The following CLN5 variants were observed in gnomAD, a reference collection of about 807,000 sequenced individuals.
The protein encoded by CLN5 is CLN5 lysosomal BMP synthase, also known as bis(monoacylglycero)phosphate synthase CLN5.
Under a neutral mutation model 36.7 loss-of-function variants are expected in CLN5, and 34 were observed. That is an observed-to-expected ratio of 0.93 (90% CI 0.71 to 1.23). The LOEUF (loss-of-function observed/expected upper bound fraction) is 1.23. Ranked by LOEUF, CLN5 falls within the 50% of genes most tolerant of loss-of-function variation. The pLI, the probability that CLN5 is intolerant of heterozygous loss-of-function variation, is 0.00. For synonymous variants in CLN5, 151 were observed against 155.1 expected (o/e 0.97, Z 0.20); for missense variants, 427 against 439.4 (o/e 0.97, Z 0.25).
intron 3 of CLN5, chr13:77,000,042 C>CTT (rs1416476972): frequency 6.6e-6 from 1 of 151,802 alleles, no homozygotes; most frequent in Non-Finnish European, 1.5e-5. Context: ...CAGTCTTAAT[C>CTT]AAGTTAGAAC....
chr13:76,995,234 G>A lies in CLN5; in HGVS notation c.339+6G>A, dbSNP rs1468101. ...GAGACCTCCTGGGACACTTGGTAAG[G>A]ATGCATCTTGGTCTTATAACTTTGG... On this transcript the variant is annotated splice_donor_region_variant and intron_variant, in intron 2 of 3. Transcript: ENST00000377453. 5.6e-6 allele frequency: 9 copies of A among 1,613,562 alleles called. No individual in the cohort carries two copies. The East Asian group carries it at 1.1e-4, about 20-fold the overall frequency.
At chr13:76,995,318 C>A in intron 2 of CLN5, 90 bp downstream of exon 2, 2 of 1,152,814 alleles carry the variant, frequency 1.7e-6, no homozygotes, top group Non-Finnish European at 2.6e-6. Context: ...ATTTAGATGG[C>A]TGACTTTAGA....
In CLN5 at chr13:77,002,537, T is replaced by TAA. The variant is rs1404537406; in HGVS notation, c.*1569_*1570insAA. ...CTTGTATTTTATGTGTCTTTGGTCTTATTTTGTCTAGGAATTCATTTTTGC... is the reference window on the plus strand; with the variant it reads ...CTTGTATTTTATGTGTCTTTGGTCTTAAATTTTGTCTAGGAATTCATTTTTGC... On this transcript the variant is annotated 3_prime_UTR_variant, in exon 4 of 4. Coordinates refer to ENST00000377453, the MANE Select transcript of CLN5 (RefSeq NM_006493.4). 6.6e-6 allele frequency: 1 copy of TAA among 152,140 alleles called. No individual in the cohort carries two copies. Among genetic ancestry groups the TAA allele is most frequent in the Non-Finnish European group, 1.5e-5 (1 of 68,032 alleles). 9.4% of individuals were successfully genotyped at this position (152,140 alleles called of 1,614,324 possible).
chr13:76,997,250 G>A (rs1319290211), intron 3 of CLN5: 2 of 152,076 alleles, frequency 1.3e-5, no homozygotes, highest in Non-Finnish European at 2.9e-5. Context: ...GGGTTCAAGC[G>A]ATTCTCCAGC....
chr13:77,001,055 CT>C lies in CLN5; in HGVS notation c.*89del. On this transcript the variant is annotated 3_prime_UTR_variant, in exon 4 of 4. Coordinates refer to ENST00000377453, the MANE Select transcript of CLN5 (RefSeq NM_006493.4). ...ATTTTACTTTTGTGAATTCCTTAGC[CT>C]TTCTTCCTTGGTGCATAAAGTTAAA... 8.2e-7 allele frequency: 1 copy of C among 1,214,460 alleles called. No individual in the cohort carries two copies. The highest frequency in any genetic ancestry group is 1.2e-6 in the Non-Finnish European group (1 of 847,752). 75.2% of individuals were successfully genotyped at this position (1,214,460 alleles called of 1,614,324 possible).
At chr13:76,997,910 A>G (rs906232872) in intron 3 of CLN5, 3 of 152,226 alleles carry the variant, frequency 2.0e-5, no homozygotes, top group Non-Finnish European at 2.9e-5. Flanking sequence ...TTTAGTGATG[A>G]TATTTTTATG....
rs764790770 is a variant in CLN5, at chr13:76,992,175, G to C, written c.77G>C (p.Trp26Ser). The C allele has an allele frequency of 1.1e-4, 173 of 1,605,378 alleles. 2 individuals are homozygous for C. The South Asian group carries it at 1.8e-3, about 17-fold the overall frequency. The part of the protein sequence containing the change: ...GAGAARGRAS[W>S]CWALALLWLA... Reference sequence around the variant, plus strand: ...GGCGCGGCTCGGGGACGCGCTTCCTGGTGCTGGGCCCTGGCGCTGCTTTGG... The same window carrying C: ...GGCGCGGCTCGGGGACGCGCTTCCTCGTGCTGGGCCCTGGCGCTGCTTTGG... The change falls in exon 1 of 4, where the codon TGG becomes TCG. Residue 26 changes from tryptophan to serine, a missense_variant. Coordinates refer to ENST00000377453, the MANE Select transcript of CLN5 (RefSeq NM_006493.4).
Position 76,995,172 on chromosome 13 carries a change from T to C in CLN5, c.283T>C (p.Phe95Leu), listed in dbSNP as rs772707642. The C allele has an allele frequency of 6.2e-7, 1 of 1,614,168 alleles. No homozygotes were observed. Among genetic ancestry groups the C allele is most frequent in the South Asian group, 1.1e-5 (1 of 91,080 alleles). ...VMEGDDDIEVFRLQAPVWEFK... is the reference protein window; with the variant it reads ...VMEGDDDIEVLRLQAPVWEFK... ...GGAGGGTGATGATGACATTGAAGTT[T>C]TTCGATTACAAGCCCCAGTATGGGA... is the stretch of plus-strand genomic sequence containing the variant. The change falls in exon 2 of 4, where the codon TTT (phenylalanine) becomes CTT (leucine). Residue 95 changes from phenylalanine to leucine, a missense_variant. Coordinates refer to ENST00000377453, the MANE Select transcript of CLN5 (RefSeq NM_006493.4).
chr13:77,004,896 CTAAT>C lies in CLN5; in HGVS notation c.*3929_*3932del, dbSNP rs2034424367. On this transcript the variant is annotated 3_prime_UTR_variant, in exon 4 of 4. Coordinates refer to ENST00000377453, the MANE Select transcript of CLN5 (RefSeq NM_006493.4). Reference sequence around the variant, plus strand: ...TAATTTCAATAGTTGAAAAACTATTCTAATTTATATAAAGACATTTATCTCTAAA... The same window carrying C: ...TAATTTCAATAGTTGAAAAACTATTCTTATATAAAGACATTTATCTCTAAA... 1 of 152,108 alleles carries C rather than the reference CTAAT, an allele frequency of 6.6e-6. No individual in the cohort carries two copies. The highest frequency in any genetic ancestry group is 2.1e-4 in the South Asian group (1 of 4,836). The allele number at this position is 152,108 out of a possible 1,614,324, so 9.4% of individuals were successfully genotyped here.
Position 76,995,230 on chromosome 13 carries a change from T to C in CLN5, c.339+2T>C. 6.2e-7 allele frequency: 1 copy of C among 1,613,790 alleles called. No individual in the cohort carries two copies. Among genetic ancestry groups the C allele is most frequent in the Non-Finnish European group, 8.5e-7 (1 of 1,179,700 alleles). ...TATGGAGACCTCCTGGGACACTTGG[T>C]AAGGATGCATCTTGGTCTTATAACT... On this transcript the variant is annotated splice_donor_variant, in intron 2 of 3. Transcript: ENST00000377453. LOFTEE classifies it high-confidence loss of function.
rs1036077978 is a variant in CLN5 at position 77,003,969 on chromosome 13, A to C, written c.*3000A>C. The C allele has an allele frequency of 1.1e-4, 17 of 152,172 alleles. No homozygotes were observed. Among genetic ancestry groups the C allele is most frequent in the African/African-American group, 4.1e-4 (17 of 41,436 alleles). 9.4% of individuals were successfully genotyped at this position (152,172 alleles called of 1,614,324 possible). A position where few individuals can be genotyped will look rare whatever the true frequency, so the allele number is the denominator to read the frequency against. ...TCAAAAAAATGTTGTAGATGTATAA[A>C]ATTTATACATTTTTAGTCTGACTAG... On this transcript the variant is annotated 3_prime_UTR_variant, in exon 4 of 4. Transcript: ENST00000377453.
intron 1 of CLN5, chr13:76,994,393 T>G (rs1158209981): frequency 6.6e-6 from 1 of 152,382 alleles, no homozygotes; most frequent in African/African-American, 2.4e-5. Flanking sequence ...CCTTCATCTC[T>G]TTCTTTGCCC....
rs1447348159 is a variant in CLN5 at position 77,004,036 on chromosome 13, A to T, written c.*3067A>T. On this transcript the variant is annotated 3_prime_UTR_variant, in exon 4 of 4. Transcript: ENST00000377453. ...TATCTCCTCATTAATCTGGCACAAA[A>T]TTAGTTAAGTAAGTATACCCACAAA... 1 of 152,204 alleles carries T rather than the reference A, an allele frequency of 6.6e-6. No homozygotes were observed. Among genetic ancestry groups the T allele is most frequent in the African/African-American group, 2.4e-5 (1 of 41,426 alleles). 9.4% of individuals were successfully genotyped at this position (152,204 alleles called of 1,614,324 possible).
Position 76,995,899 on chromosome 13 carries a change from C to A in CLN5, c.340-3C>A. 6.2e-7 allele frequency: 1 copy of A among 1,612,928 alleles called. No individual in the cohort carries two copies. The highest frequency in any genetic ancestry group is 8.5e-7 in the Non-Finnish European group (1 of 1,178,916). ...CTTTTATACATGTACTGTCTTTACACAGAAAATTATGCATGATGCCATTGG... is the reference window on the plus strand; with the variant it reads ...CTTTTATACATGTACTGTCTTTACAAAGAAAATTATGCATGATGCCATTGG... On this transcript the variant is annotated splice_region_variant and splice_polypyrimidine_tract_variant and intron_variant, in intron 2 of 3. Coordinates refer to ENST00000377453, the MANE Select transcript of CLN5 (RefSeq NM_006493.4).
rs1231886495 is a variant in CLN5 at position 76,995,920 on chromosome 13, A to T, written c.358A>T (p.Ile120Phe). Residue 120 changes from isoleucine (I) to phenylalanine (F), a missense_variant, in exon 3 of 4, where the codon ATT (isoleucine) becomes TTT (phenylalanine). Ile to Phe is a conservative substitution (Grantham distance 21). Transcript: ENST00000377453. Reference protein sequence around the residue: ...LGHLKIMHDAIGFRSTLTGKN... With the variant: ...LGHLKIMHDAFGFRSTLTGKN... ...TACACAGAAAATTATGCATGATGCC[A>T]TTGGATTCAGAAGTACATTAACTGG... is the stretch of plus-strand genomic sequence containing the variant. 1.9e-6 allele frequency: 3 copies of T among 1,614,142 alleles called. 1 individual carries two copies. In the South Asian group the frequency reaches 3.3e-5, roughly 18 times the overall value.
intron 2 of CLN5, 181 bp from the exon 3 acceptor site, chr13:76,995,721 G>T: frequency 1.5e-6 from 1 of 658,084 alleles, no homozygotes; most frequent in Non-Finnish European, 2.8e-6. Context: ...CCAAAGCTGG[G>T]GTGGATGAGG....
rs1483316765 is a variant in CLN5, at chr13:77,002,641, G to A, written c.*1672G>A. 6.6e-6 allele frequency: 1 copy of A among 151,850 alleles called. No individual in the cohort carries two copies. Among genetic ancestry groups the A allele is most frequent in the Non-Finnish European group, 1.5e-5 (1 of 67,966 alleles). 9.4% of individuals were successfully genotyped at this position (151,850 alleles called of 1,614,324 possible). On this transcript the variant is annotated 3_prime_UTR_variant, in exon 4 of 4. Transcript: ENST00000377453. Reference sequence around the variant, plus strand: ...ACCAGATATCTTCCTCAAATACAGAGGGAGAACTTTCTTTCACGCCTCCTT... The same window carrying A: ...ACCAGATATCTTCCTCAAATACAGAAGGAGAACTTTCTTTCACGCCTCCTT...
At chr13:76,995,256 T>C (rs200187743) in intron 2 of CLN5, 28 bp downstream of exon 2, 15 of 1,607,194 alleles carry the variant, frequency 9.3e-6, no homozygotes, top group Non-Finnish European at 1.2e-5. Flanking sequence ...TCTTATAACT[T>C]TGGTTAATTC....
chr13:76,995,468 A>T (rs1282101901), intron 2 of CLN5: 1 of 535,208 alleles, frequency 1.9e-6, no homozygotes, highest in African/African-American at 1.9e-5. Context: ...TCCTGTACCT[A>T]GCTCCTGGAA....
Sources: allele counts gnomAD v4.1 joint callset, GRCh38; gene constraint gnomAD v4.1.1; transcripts MANE v1.5; gene names NCBI Gene and HGNC (gene_info 2026-07-23, HGNC 2026-07-21).